Variants in BUD13 observed in about 807,000 individuals in gnomAD.
The protein encoded by BUD13 is BUD13 spliceosome associated protein.
A neutral mutation model predicts 62.5 loss-of-function variants in BUD13; 47 were observed. That is an observed-to-expected ratio of 0.75 (90% confidence interval 0.60 to 0.96). The LOEUF (loss-of-function observed/expected upper bound fraction) is 0.96. Among genes scored for constraint, BUD13 ranks in the 40% least tolerant of loss-of-function variants. BUD13 has a pLI of 0.00. For synonymous variants in BUD13, 293 were observed against 280.1 expected, an observed-to-expected ratio of 1.05 and a Z score of -0.46; for missense variants, 821 against 790.9, an observed-to-expected ratio of 1.04 and a Z score of -0.46.
At chr11:116,767,397 T>G (rs991731327) in intron 2 of BUD13, among the ~76,000 whole-genome samples, 1 of 151,258 alleles carries the variant, frequency 6.6e-6, no homozygotes, top group Non-Finnish European at 1.5e-5. Context: ...ATCAAGATCA[T>G]CCTGGCTAAC....
At chr11:116,769,658 C>T (rs750620560) in intron 2 of BUD13, among the ~76,000 whole-genome samples, 20 of 152,196 alleles carry the variant, frequency 1.3e-4, no homozygotes, top group Non-Finnish European at 1.9e-4. Flanking sequence ...GTATAGGCAT[C>T]AGCAAAGAAA....
Position 116,748,579 on chromosome 11 carries a change from C to T in BUD13, c.1767-4G>A. 1 of 1,613,982 alleles carries T rather than the reference C, an allele frequency of 6.2e-7. No homozygotes were observed. The highest frequency in any genetic ancestry group is 8.5e-7 in the Non-Finnish European group (1 of 1,179,878). On this transcript the variant is annotated splice_region_variant and splice_polypyrimidine_tract_variant and intron_variant, in intron 9 of 9. Coordinates refer to ENST00000260210, the MANE Select transcript of BUD13 (RefSeq NM_032725.4). Reference sequence around the variant, plus strand: ...CTTCTGTTCAAATCCATTGGATCTGCAATCAAAAGAGACATACTATTCAGC... The same window carrying T: ...CTTCTGTTCAAATCCATTGGATCTGTAATCAAAAGAGACATACTATTCAGC...
chr11:116,752,926 T>C (rs1940263063), intron 9 of BUD13, among the ~76,000 whole-genome samples: 1 of 152,114 alleles, frequency 6.6e-6, no homozygotes, highest in East Asian at 1.9e-4. Context: ...CCACCACACC[T>C]GGCTGTTGGA....
In BUD13 at chr11:116,748,552, C is replaced by T. The variant is rs113573299; in HGVS notation, c.1790G>A (p.Arg597His). The change falls in exon 10 of 10, where the codon CGC becomes CAC. Residue 597 changes from arginine (R) to histidine (H), a missense_variant. Coordinates refer to ENST00000260210, the MANE Select transcript of BUD13 (RefSeq NM_032725.4). ...CTTCTTGCTGGCAAGCCTGGCAAAG[C>T]GCTTCTGTTCAAATCCATTGGATCT... is the stretch of plus-strand genomic sequence containing the variant. ...VDRSNGFEQK[R>H]FARLASKKAV... 1.2e-5 allele frequency: 19 copies of T among 1,614,092 alleles called. No individual in the cohort carries two copies. Among genetic ancestry groups the T allele is most frequent in the South Asian group, 7.7e-5 (7 of 91,084 alleles).
chr11:116,748,601 C>T (rs376539782), intron 9 of BUD13, 26 bp from the exon 10 acceptor site: 20 of 1,604,624 alleles, frequency 1.2e-5, no homozygotes, highest in African/African-American at 5.4e-5. Context: ...ACATACTATT[C>T]AGCTAGAACC....
intron 5 of BUD13, 42 bp downstream of exon 5, chr11:116,760,693 G>A (rs1265562250): frequency 1.3e-6 from 2 of 1,574,332 alleles, no homozygotes; most frequent in Non-Finnish European, 8.7e-7. Flanking sequence ...TGAGAGAGAA[G>A]AGTCACACGA....
intron 4 of BUD13, among the ~76,000 whole-genome samples, 174 bp downstream of exon 4, chr11:116,762,379 T>C (rs1309312297): frequency 2.0e-5 from 3 of 152,162 alleles, no homozygotes; most frequent in Admixed American, 2.0e-4. Context: ...TAAAAAGACA[T>C]ATGAAAACCT....
chr11:116,759,171 G>A lies in BUD13; in HGVS notation c.1263C>T (p.His421=). The change falls in exon 6 of 10, where the codon CAC becomes CAT. Residue 421 remains histidine (H), a synonymous_variant. Transcript: ENST00000260210. ...RSQPPGKKAA[H]MYSGAKTGLV... is the part of the protein sequence containing the mutation. ...ACCCAGTTTTAGCCCCAGAATACAT[G>A]TGTGCAGCCTATGCAACGGAAAAGG... 2 of 1,613,640 alleles carry A rather than the reference G, an allele frequency of 1.2e-6. No homozygotes were observed. The highest frequency in any genetic ancestry group is 1.7e-6 in the Non-Finnish European group (2 of 1,179,578).
chr11:116,752,013 G>A (rs1017918262), intron 9 of BUD13, among the ~76,000 whole-genome samples: 6 of 152,064 alleles, frequency 3.9e-5, no homozygotes, highest in African/African-American at 7.2e-5. Context: ...GCACGATCTC[G>A]GCTCACTGCA....
chr11:116,761,582 T>C (rs1004498934), intron 4 of BUD13, among the ~76,000 whole-genome samples: 1 of 152,182 alleles, frequency 6.6e-6, no homozygotes, highest in African/African-American at 2.4e-5. Flanking sequence ...CACACACTCC[T>C]CTATGTCAGT....
At chr11:116,758,606 G>A (rs1418015195) in intron 6 of BUD13, among the ~76,000 whole-genome samples, 199 bp from the exon 7 acceptor site, 5 of 24,740 alleles carry the variant, frequency 2.0e-4, no homozygotes, top group Non-Finnish European at 4.0e-4. Flanking sequence ...TTTTTTTTTT[G>A]AGATGGAGTC....
intron 2 of BUD13, among the ~76,000 whole-genome samples, chr11:116,767,062 C>T (rs1940543449): frequency 6.6e-6 from 1 of 151,950 alleles, no homozygotes; most frequent in South Asian, 2.1e-4. Flanking sequence ...GTGGCAGGCG[C>T]CTGTAATCCC....
intron 1 of BUD13, among the ~76,000 whole-genome samples, 154 bp from the exon 2 acceptor site, chr11:116,770,376 C>A (rs879526496): frequency 2.0e-5 from 3 of 152,264 alleles, no homozygotes; most frequent in East Asian, 1.9e-4. Flanking sequence ...ACTGCTACTT[C>A]CTTGGTTGAA....
chr11:116,759,539 C>A (rs1940393161), intron 5 of BUD13, among the ~76,000 whole-genome samples: 1 of 152,052 alleles, frequency 6.6e-6, no homozygotes, highest in Non-Finnish European at 1.5e-5. Flanking sequence ...ATAAAATATT[C>A]CATTTACAGT....
In BUD13 at chr11:116,757,949, G is replaced by A; in HGVS notation, c.1501C>T (p.Leu501Phe). ...TGTTGCTGTTGCCGGCTCTGGGCAA[G>A]CCTGGGCAAAAAGGAACCAAGAGTG... The part of the protein sequence containing the change: ...DELYAQWGKG[L>F]AQSRQQQQNV... The change falls in exon 8 of 10, where the codon CTT (leucine) becomes TTT (phenylalanine). Residue 501 changes from leucine to phenylalanine, a missense_variant and splice_region_variant. Leu to Phe is a conservative substitution (Grantham distance 22, BLOSUM62 0). This residue lies in a region of BUD13 where 800 missense variants were observed against 739.2 expected (regional missense o/e 1.08). Transcript: ENST00000260210. 1 of 1,613,022 alleles carries A rather than the reference G, an allele frequency of 6.2e-7. No individual in the cohort carries two copies. Among genetic ancestry groups the A allele is most frequent in the Non-Finnish European group, 8.5e-7 (1 of 1,179,782 alleles).
At chr11:116,755,225 C>T (rs902464590) in intron 9 of BUD13, among the ~76,000 whole-genome samples, 1 of 152,214 alleles carries the variant, frequency 6.6e-6, no homozygotes, top group Admixed American at 6.5e-5. Flanking sequence ...AACATTTAAA[C>T]TTTCAAGTGT....
chr11:116,772,158 T>C (rs974108489), intron 1 of BUD13, among the ~76,000 whole-genome samples: 2 of 152,046 alleles, frequency 1.3e-5, no homozygotes, highest in Admixed American at 6.6e-5. Flanking sequence ...ACTGATTACA[T>C]CTCCAAAGAC....
intron 9 of BUD13, among the ~76,000 whole-genome samples, chr11:116,756,468 C>T (rs1031160198): frequency 6.6e-6 from 1 of 151,864 alleles, no homozygotes; most frequent in African/African-American, 2.4e-5. Context: ...GCCGAGACTG[C>T]GCCACTGCAC....
chr11:116,765,291 A>C (rs1176710538), intron 3 of BUD13, 71 bp downstream of exon 3: 2 of 1,483,778 alleles, frequency 1.3e-6, no homozygotes, highest in East Asian at 2.3e-5. Context: ...TCCTCTAAAG[A>C]AAAGTATAGA....
Sources: allele counts gnomAD v4.1 joint callset (sites outside exome capture counted in the v4.1 genomes callset), GRCh38; gene constraint gnomAD v4.1.1; regional missense constraint gnomAD v4.1.1; transcripts MANE v1.5; gene names NCBI Gene and HGNC (gene_info 2026-07-23, HGNC 2026-07-21).